POU2F3: variants seen among roughly 807,000 people sequenced by gnomAD.
POU2F3 encodes POU class 2 homeobox 3, also known as POU domain, class 2, transcription factor 3.
POU2F3 carries 23 observed loss-of-function variants against 59.2 expected under a neutral mutation model. The ratio of observed to expected loss-of-function variants is 0.39; its 90% CI spans 0.28 to 0.55. The LOEUF (loss-of-function observed/expected upper bound fraction) is 0.55, where lower values mean the gene tolerates loss of function less well. Ranked by LOEUF, POU2F3 falls within the 20% of genes least tolerant of loss-of-function variation. The probability of loss-of-function intolerance (pLI) is 0.66; values close to 1 mark genes in which losing one functional copy is unlikely to be tolerated. For synonymous variants in POU2F3, 190 were observed against 214.6 expected, an observed-to-expected ratio of 0.89 and a Z score of 1.00; for missense variants, 473 against 544.5, an observed-to-expected ratio of 0.87 and a Z score of 1.31.
intron 10 of POU2F3, among the ~76,000 whole-genome samples, chr11:120,314,648 C>T (rs957325905): frequency 6.6e-6 from 1 of 152,164 alleles, no homozygotes; most frequent in African/African-American, 2.4e-5. Flanking sequence ...TACTCCCAGA[C>T]CTGTTGGGCT....
intron 7 of POU2F3, 128 bp downstream of exon 7, chr11:120,305,340 T>A: frequency 2.7e-6 from 3 of 1,113,326 alleles, no homozygotes; most frequent in Non-Finnish European, 3.8e-6. Context: ...GTCCCTGAGT[T>A]CTCTGAGAAT....
intron 3 of POU2F3, among the ~76,000 whole-genome samples, chr11:120,278,850 C>T (rs748795362): frequency 6.6e-5 from 10 of 152,112 alleles, no homozygotes; most frequent in South Asian, 2.1e-4. Context: ...CATCATGGCA[C>T]GTGTATACCT....
At position 120,288,128 on chromosome 11, in the gene POU2F3, C is replaced by CAAAAAAAAAAAAAAAAAAAAAAAAAAAA; in HGVS notation, c.133-10117_133-10116insAAAAAAAAAAAAAAAAAAAAAAAAAAAA. 7.9e-5 allele frequency among the ~76,000 whole-genome samples: 5 copies of CAAAAAAAAAAAAAAAAAAAAAAAAAAAA among 63,324 alleles called. 1 individual carries two copies. Among genetic ancestry groups the CAAAAAAAAAAAAAAAAAAAAAAAAAAAA allele is most frequent in the Non-Finnish European group, 1.1e-4 (4 of 37,870 alleles). The allele number at this position is 63,324 out of a possible 152,430, so 41.5% of individuals were successfully genotyped here. ...AAAGAAAGAAAACAAACAAAAAAAC[C>CAAAAAAAAAAAAAAAAAAAAAAAAAAAA]AAAAAAAAAAAAAAAAAAAACAAGA... On this transcript the variant is annotated intron_variant, in intron 3 of 12. Transcript: ENST00000543440.
intron 1 of POU2F3, among the ~76,000 whole-genome samples, chr11:120,241,526 G>A (rs760973208): frequency 7.2e-5 from 11 of 152,204 alleles, no homozygotes; most frequent in African/African-American, 1.2e-4. Flanking sequence ...TCTCCAGGAC[G>A]TGCCAGAAAG....
intron 2 of POU2F3, among the ~76,000 whole-genome samples, chr11:120,267,394 G>A (rs950993299): frequency 6.6e-6 from 1 of 152,124 alleles, no homozygotes; most frequent in Non-Finnish European, 1.5e-5. Context: ...TTACAGGCTT[G>A]AGCCACTGCA....
At position 120,264,861 on chromosome 11, in the gene POU2F3, T is replaced by G. The variant is rs376954781; in HGVS notation, c.98-4349T>G. On this transcript the variant is annotated intron_variant, in intron 2 of 12. Transcript: ENST00000543440. Reference sequence around the variant, plus strand: ...CAGCATCTTACAGGAGTAGAAAAGTTTCTGGTGATCGTGGACCAGTTTTTA... The same window carrying G: ...CAGCATCTTACAGGAGTAGAAAAGTGTCTGGTGATCGTGGACCAGTTTTTA... 3.3e-3 allele frequency among the ~76,000 whole-genome samples: 502 copies of G among 152,356 alleles called. 32 individuals are homozygous for G. In the South Asian group the frequency reaches 0.1, roughly 30 times the overall value.
At chr11:120,309,276 C>T (rs1356438945) in intron 9 of POU2F3, 149 bp from the exon 10 acceptor site, 22 of 749,870 alleles carry the variant, frequency 2.9e-5, no homozygotes, top group East Asian at 2.1e-4. Context: ...TGTAAGGACA[C>T]GTAGTAAGTG....
intron 2 of POU2F3, chr11:120,256,825 A>C (rs977192848): frequency 6.6e-6 from 1 of 152,188 alleles, no homozygotes; most frequent in Non-Finnish European, 1.5e-5. Flanking sequence ...TTTTTTTCCC[A>C]TAGAGTTTCT....
At position 120,245,954 on chromosome 11, in the gene POU2F3, G is replaced by A. The variant is rs141123991; in HGVS notation, c.29-495G>A. ...AACCCAGGCAGGACCTGGGAAGAAA[G>A]GTGAGAAGGGCAAGCCTTGGTTTAA... is the stretch of plus-strand genomic sequence containing the variant. On this transcript the variant is annotated intron_variant, in intron 1 of 12. Coordinates refer to ENST00000543440, the MANE Select transcript of POU2F3 (RefSeq NM_014352.4). Among the ~76,000 whole-genome samples the A allele has an allele frequency of 2.0e-3, 301 of 152,276 alleles. 1 individual carries two copies. Among genetic ancestry groups the A allele is most frequent in the African/African-American group, 6.7e-3 (280 of 41,558 alleles).
chr11:120,241,690 C>T (rs1260219633), intron 1 of POU2F3, among the ~76,000 whole-genome samples: 2 of 152,180 alleles, frequency 1.3e-5, no homozygotes, highest in Admixed American at 1.3e-4. Context: ...GGGAGCAAGT[C>T]TCTTCAGAAA....
chr11:120,243,382 G>A (rs552198223), intron 1 of POU2F3, among the ~76,000 whole-genome samples: 10 of 151,974 alleles, frequency 6.6e-5, no homozygotes, highest in African/African-American at 1.9e-4. Context: ...GCTTCCTCTC[G>A]AGCTTTCTTC....
chr11:120,303,729 A>T (rs1482371182), intron 6 of POU2F3: 1 of 152,226 alleles, frequency 6.6e-6, no homozygotes, highest in Non-Finnish European at 1.5e-5. Flanking sequence ...ACTGGGGGAA[A>T]GACTCCTAAA....
At chr11:120,299,603 T>A (rs1394469332) in intron 4 of POU2F3, 21 bp from the exon 5 acceptor site, 2 of 1,605,648 alleles carry the variant, frequency 1.2e-6, no homozygotes, top group Admixed American at 3.4e-5. Context: ...CTGTGGTGTA[T>A]GTGTATCTCT....
chr11:120,239,789 C>T (rs1291745615), upstream of POU2F3, among the ~76,000 whole-genome samples: 3 of 152,246 alleles, frequency 2.0e-5, no homozygotes, highest in East Asian at 5.8e-4. Flanking sequence ...AGCAGACCCC[C>T]GCGACTTCTC....
intron 5 of POU2F3, among the ~76,000 whole-genome samples, chr11:120,300,492 G>C (rs989190226): frequency 6.6e-6 from 1 of 152,084 alleles, no homozygotes; most frequent in Non-Finnish European, 1.5e-5. Flanking sequence ...GGCCAGGCTC[G>C]GTGGCTCACG....
chr11:120,248,071 G>A (rs1009143913), intron 2 of POU2F3, among the ~76,000 whole-genome samples: 1 of 152,214 alleles, frequency 6.6e-6, no homozygotes, highest in Non-Finnish European at 1.5e-5. Context: ...GGGTTAGGAA[G>A]GTTAGTGTGT....
intron 2 of POU2F3, 82 bp from the exon 3 acceptor site, chr11:120,269,128 C>G: frequency 8.7e-7 from 1 of 1,144,048 alleles, no homozygotes; most frequent in South Asian, 1.4e-5. Context: ...CCACACGCCT[C>G]TCAACATCCT....
chr11:120,300,368 A>C (rs1441430804), intron 5 of POU2F3, among the ~76,000 whole-genome samples: 1 of 152,156 alleles, frequency 6.6e-6, no homozygotes, highest in Non-Finnish European at 1.5e-5. Context: ...GCCTCTGGTG[A>C]CCTACTGGGA....
chr11:120,314,598 T>C (rs1941734524), intron 10 of POU2F3, among the ~76,000 whole-genome samples: 1 of 152,212 alleles, frequency 6.6e-6, no homozygotes, highest in Admixed American at 6.5e-5. Flanking sequence ...TAGGGTTAGA[T>C]AACTTGCCCA....
Sources: allele counts gnomAD v4.1 joint callset (sites outside exome capture counted in the v4.1 genomes callset), GRCh38; gene constraint gnomAD v4.1.1; transcripts MANE v1.5; gene names NCBI Gene and HGNC (gene_info 2026-07-23, HGNC 2026-07-21).